USP34: variants seen among roughly 807,000 people sequenced by gnomAD.
USP34 encodes the protein ubiquitin carboxyl-terminal hydrolase 34.
Under a neutral mutation model 460.3 loss-of-function variants are expected in USP34, and 70 were observed. The ratio of observed to expected loss-of-function variants is 0.15; its 90% CI spans 0.13 to 0.19. USP34 has a LOEUF of 0.19. USP34 is among the 10% of genes least tolerant of loss of function. The pLI is 1.00. For missense variants in USP34, 3,985 were observed against 4,236.2 expected (o/e 0.94, Z 1.65); for synonymous variants, 1,647 against 1,405.3 (o/e 1.17, Z -3.85).
At chr2:61,427,866 TAA>T in intron 1 of USP34, among the ~76,000 whole-genome samples, 1 of 152,008 alleles carries the variant, frequency 6.6e-6, no homozygotes, top group East Asian at 1.9e-4. Context: ...AGGGCAAATC[TAA>T]AGAGTTTTTG....
chr2:61,248,703 T>A lies in USP34; in HGVS notation c.6222-20A>T, dbSNP rs1477534432. ...CATGCCCTGAGAGACAAGAAAAAAA[T>A]TAATAAAGATTATTTTTTACAAATA... On this transcript the variant is annotated intron_variant, in intron 48 of 79. Coordinates refer to ENST00000398571, the MANE Select transcript of USP34 (RefSeq NM_014709.4). The A allele has an allele frequency of 1.3e-6, 2 of 1,528,166 alleles. No homozygotes were observed. Among genetic ancestry groups the A allele is most frequent in the African/African-American group, 2.8e-5 (2 of 71,858 alleles). The allele number at this position is 1,528,166 out of a possible 1,614,324, so 94.7% of individuals were successfully genotyped here. A position where few individuals can be genotyped will look rare whatever the true frequency, so the allele number is the denominator to read the frequency against.
intron 1 of USP34, among the ~76,000 whole-genome samples, chr2:61,452,357 CT>C (rs1440234017): frequency 7.8e-6 from 1 of 128,918 alleles, no homozygotes; most frequent in African/African-American, 2.9e-5. Context: ...CAGAGTCTCA[CT>C]CTGTCACCCA....
At chr2:61,259,267 T>C (rs539321957) in intron 44 of USP34, among the ~76,000 whole-genome samples, 2 of 151,824 alleles carry the variant, frequency 1.3e-5, no homozygotes, top group Non-Finnish European at 1.5e-5. Context: ...TCAAAATAAA[T>C]AAATAAATAA....
rs182080728 is a variant in USP34, at chr2:61,244,950, A to G, written c.6627+260T>C. ...AAACAATTTACTCAATCTTATTCTC[A>G]TGGCACTGTAATTCAACTCCCATAC... On this transcript the variant is annotated intron_variant, in intron 51 of 79. Transcript: ENST00000398571. Among the ~76,000 whole-genome samples, 60 of 152,264 alleles carry G rather than the reference A, an allele frequency of 3.9e-4. 2 individuals carry two copies. In the East Asian group the frequency reaches 0.011, roughly 28 times the overall value.
intron 43 of USP34, among the ~76,000 whole-genome samples, chr2:61,263,033 G>C (rs1356875581): frequency 1.3e-5 from 2 of 151,484 alleles, no homozygotes; most frequent in Admixed American, 6.6e-5. Context: ...TTTTAAGATA[G>C]AGTCTTGCTC....
Position 61,315,049 on chromosome 2 carries a change from A to C in USP34, c.3283-75T>G. On this transcript the variant is annotated intron_variant, in intron 23 of 79. Coordinates refer to ENST00000398571, the MANE Select transcript of USP34 (RefSeq NM_014709.4). ...AACTCATTAAGACTGAAGTATCAAAAGTAAAAATCATAGGCAACTCCTATT... is the reference window on the plus strand; with the variant it reads ...AACTCATTAAGACTGAAGTATCAAACGTAAAAATCATAGGCAACTCCTATT... The C allele has an allele frequency of 3.5e-6, 4 of 1,142,036 alleles. No individual in the cohort carries two copies. In the South Asian group the frequency reaches 6.2e-5, roughly 18 times the overall value. The allele number at this position is 1,142,036 out of a possible 1,614,324, so 70.7% of individuals were successfully genotyped here.
At chr2:61,361,273 T>C (rs968686347) in intron 10 of USP34, among the ~76,000 whole-genome samples, 4 of 152,102 alleles carry the variant, frequency 2.6e-5, no homozygotes, top group Non-Finnish European at 4.4e-5. Context: ...AATTAAAAGT[T>C]AGCTGGGCAT....
At chr2:61,424,781 C>T (rs529158764) in intron 1 of USP34, among the ~76,000 whole-genome samples, 1 of 151,958 alleles carries the variant, frequency 6.6e-6, no homozygotes, top group African/African-American at 2.4e-5. Context: ...AAAATTTTTG[C>T]AATTATTTTT....
In USP34 at chr2:61,379,132, G is replaced by A. The variant is rs576957061; in HGVS notation, c.1015-708C>T. On this transcript the variant is annotated intron_variant, in intron 7 of 79. Coordinates refer to ENST00000398571, the MANE Select transcript of USP34 (RefSeq NM_014709.4). ...AATTTATCTGGGACAATATCAACAA[G>A]TATCTTTTATATTTATGAAACCCGG... 3.3e-5 allele frequency among the ~76,000 whole-genome samples: 5 copies of A among 152,190 alleles called. No homozygotes were observed. In the East Asian group the frequency reaches 9.6e-4, roughly 29 times the overall value.
intron 43 of USP34, among the ~76,000 whole-genome samples, chr2:61,262,130 T>TATATATAG (rs1349263790): frequency 4.0e-4 from 45 of 113,672 alleles, no homozygotes; most frequent in South Asian, 1.1e-3. Flanking sequence ...TATATATATA[T>TATATATAG]ATAGATAGAT....
chr2:61,378,862 G>A (rs892327683), intron 7 of USP34, among the ~76,000 whole-genome samples: 3 of 122,402 alleles, frequency 2.5e-5, no homozygotes, highest in African/African-American at 3.1e-5. Flanking sequence ...CCAAGATCGC[G>A]CCACTGCACT....
intron 57 of USP34, among the ~76,000 whole-genome samples, chr2:61,233,720 G>A (rs531521097): frequency 6.6e-6 from 1 of 152,180 alleles, no homozygotes; most frequent in East Asian, 1.9e-4. Flanking sequence ...AGCTACTCGG[G>A]AGGCTGAGGG....
chr2:61,417,033 G>T (rs200427281), intron 2 of USP34: 2 of 1,307,564 alleles, frequency 1.5e-6, no homozygotes, highest in Non-Finnish European at 2.2e-6. Flanking sequence ...TCCAGATGTG[G>T]ATCTTCTGGC....
rs554832692 is a variant in USP34, at chr2:61,309,155, G to C, written c.3817+2385C>G. On this transcript the variant is annotated intron_variant, in intron 27 of 79. Coordinates refer to ENST00000398571, the MANE Select transcript of USP34 (RefSeq NM_014709.4). ...AATGGAGAAGTACCTCTAAAATTGTGCAACAAAATTATTTCCAACTTAGAA... is the reference window on the plus strand; with the variant it reads ...AATGGAGAAGTACCTCTAAAATTGTCCAACAAAATTATTTCCAACTTAGAA... Among the ~76,000 whole-genome samples, 63 of 152,204 alleles carry C rather than the reference G, an allele frequency of 4.1e-4. No homozygotes were observed. The South Asian group carries it at 8.7e-3, about 21-fold the overall frequency.
At chr2:61,358,309 GA>G (rs34036759) in intron 10 of USP34, among the ~76,000 whole-genome samples, 3 of 151,328 alleles carry the variant, frequency 2.0e-5, no homozygotes, top group Admixed American at 6.6e-5. Context: ...AGACTATGGG[GA>G]AAAAAAAGAC....
At chr2:61,258,015 C>G (rs1054318581) in intron 44 of USP34, among the ~76,000 whole-genome samples, 7 of 152,120 alleles carry the variant, frequency 4.6e-5, no homozygotes, top group Non-Finnish European at 8.8e-5. Context: ...TTTAAACCAG[C>G]AATTTTCTAT....
At chr2:61,283,987 G>C (rs1340085638) in intron 35 of USP34, among the ~76,000 whole-genome samples, 1 of 152,152 alleles carries the variant, frequency 6.6e-6, no homozygotes, top group South Asian at 2.1e-4. Context: ...GTTCCAGATA[G>C]AGCAGGAAGT....
At chr2:61,236,118 A>T in intron 55 of USP34, 43 bp downstream of exon 55, 2 of 1,594,488 alleles carry the variant, frequency 1.3e-6, no homozygotes, top group Non-Finnish European at 1.7e-6. Context: ...ATTTTAAAGT[A>T]GTAAATTTTG....
In USP34 at chr2:61,370,420, A is replaced by G; in HGVS notation, c.1159-7T>C. 1 of 1,613,880 alleles carries G rather than the reference A, an allele frequency of 6.2e-7. No individual in the cohort carries two copies. Among genetic ancestry groups the G allele is most frequent in the East Asian group, 2.2e-5 (1 of 44,852 alleles). On this transcript the variant is annotated splice_polypyrimidine_tract_variant and splice_region_variant and intron_variant, in intron 9 of 79. Transcript: ENST00000398571. ...CTTGGCACTGTTTGATAATCTGGAA[A>G]AGAAAAACTTAATATCAATTTTTAA... is the stretch of plus-strand genomic sequence containing the variant.
Sources: gnomAD v4.1 joint callset for allele counts (sites outside exome capture counted in the v4.1 genomes callset) on GRCh38, gnomAD v4.1.1 for gene constraint, MANE v1.5 for transcripts, NCBI Gene and HGNC (gene_info 2026-07-23, HGNC 2026-07-21) for gene names.